The following CAST variants were observed in gnomAD, a reference collection of about 807,000 sequenced individuals.
CAST encodes the protein MIR583 host.
Under a neutral mutation model 119.6 loss-of-function variants are expected in CAST, and 76 were observed. That is an observed-to-expected ratio of 0.64 (90% CI 0.53 to 0.77). CAST has a LOEUF of 0.77. CAST is among the 30% of genes least tolerant of loss of function. The probability of loss-of-function intolerance (pLI) is 0.00; values close to 1 mark genes in which losing one functional copy is unlikely to be tolerated. For missense variants in CAST, 953 were observed against 946.5 expected (o/e 1.01, Z -0.09); for synonymous variants, 319 against 331.6 (o/e 0.96, Z 0.41).
chr5:96,294,863 C>T, the CAST span, among the ~76,000 whole-genome samples: 3 of 152,184 alleles, frequency 2.0e-5, no homozygotes, highest in South Asian at 6.2e-4. Flanking sequence ...TATTGAAATG[C>T]TCTATTTCCT....
the CAST span, among the ~76,000 whole-genome samples, chr5:96,242,945 T>A: frequency 2.0e-5 from 3 of 152,224 alleles, no homozygotes; most frequent in Non-Finnish European, 4.4e-5. Flanking sequence ...GGTTTCTTCA[T>A]ATTTCTTTTT....
At chr5:96,497,774 T>C in the CAST span, among the ~76,000 whole-genome samples, 2 of 152,364 alleles carry the variant, frequency 1.3e-5, no homozygotes, top group Non-Finnish European at 1.5e-5. Flanking sequence ...CTTTGTCAGA[T>C]GAGTAGGTTG....
chr5:96,306,452 G>A, the CAST span, among the ~76,000 whole-genome samples: 2 of 151,916 alleles, frequency 1.3e-5, no homozygotes, highest in African/African-American at 2.4e-5. Flanking sequence ...ATCTCCTTCA[G>A]TTTTGCTCTG....
chr5:96,168,922 T>A, the CAST span, among the ~76,000 whole-genome samples: 5 of 151,982 alleles, frequency 3.3e-5, no homozygotes, highest in Admixed American at 6.6e-5. Flanking sequence ...TAATTGAGCA[T>A]AGTTTGTGAT....
At chr5:96,649,212 G>T (rs890520444) in intron 1 of CAST, among the ~76,000 whole-genome samples, 1 of 152,246 alleles carries the variant, frequency 6.6e-6, no homozygotes, top group Non-Finnish European at 1.5e-5. Context: ...TTTTTAAAAA[G>T]TTTTTTCATG....
At chr5:96,332,814 G>A in the CAST span, among the ~76,000 whole-genome samples, 1 of 152,178 alleles carries the variant, frequency 6.6e-6, no homozygotes, top group African/African-American at 2.4e-5. Flanking sequence ...ATTGAGGCTT[G>A]AGTTTGCTGT....
At chr5:96,105,815 A>C in the CAST span, among the ~76,000 whole-genome samples, 1 of 152,216 alleles carries the variant, frequency 6.6e-6, no homozygotes, top group Non-Finnish European at 1.5e-5. Flanking sequence ...GAATGGTACC[A>C]GTTCCTCCTT....
chr5:96,441,785 T>C, the CAST span, among the ~76,000 whole-genome samples: 4 of 152,180 alleles, frequency 2.6e-5, no homozygotes, highest in South Asian at 8.3e-4. Flanking sequence ...TTTTTTATAA[T>C]GTGATTGCTA....
the CAST span, among the ~76,000 whole-genome samples, chr5:96,496,724 C>T: frequency 6.6e-6 from 1 of 152,092 alleles, no homozygotes; most frequent in Admixed American, 6.5e-5. Flanking sequence ...ATGAAGAAAC[C>T]GGTTAGGTTA....
chr5:96,643,115 G>A (rs1413180753), intron 1 of CAST, among the ~76,000 whole-genome samples: 3 of 152,146 alleles, frequency 2.0e-5, no homozygotes, highest in African/African-American at 7.2e-5. Flanking sequence ...ACAAAACAAC[G>A]TTCACAATGG....
At chr5:96,603,208 G>A (rs565896427) in intron 1 of CAST, among the ~76,000 whole-genome samples, 106 of 152,304 alleles carry the variant, frequency 7.0e-4, no homozygotes, top group Non-Finnish European at 1.1e-3. Context: ...GCGTTGTAAT[G>A]GGAATATGGG....
Position 96,751,071 on chromosome 5 carries a change from A to G in CAST, c.1524+389A>G, listed in dbSNP as rs899442521. Among the ~76,000 whole-genome samples, 4 of 149,786 alleles carry G rather than the reference A, an allele frequency of 2.7e-5. No homozygotes were observed. In the East Asian group the frequency reaches 7.9e-4, roughly 29 times the overall value. On this transcript the variant is annotated intron_variant, in intron 20 of 31. Transcript: ENST00000675179. ...AGTAAAATCATTATGATTCCTCCCC[A>G]CTCTTCCCACTGCAGGAGGTGAAAC...
chr5:96,368,614 G>C, the CAST span, among the ~76,000 whole-genome samples: 6 of 151,964 alleles, frequency 3.9e-5, no homozygotes, highest in Admixed American at 2.6e-4. Context: ...CCAGTAGGAA[G>C]TGGCTGATCT....
chr5:96,137,840 GT>G, the CAST span, among the ~76,000 whole-genome samples: 2 of 151,958 alleles, frequency 1.3e-5, no homozygotes, highest in African/African-American at 4.8e-5. Context: ...TAGTTGGTCT[GT>G]TTTCCTATTG....
intron 2 of CAST, among the ~76,000 whole-genome samples, chr5:96,685,261 A>C (rs1729830718): frequency 6.6e-6 from 1 of 152,160 alleles, no homozygotes; most frequent in African/African-American, 2.4e-5. Context: ...TTCAGCACAG[A>C]TCATAAGCAC....
upstream of CAST, among the ~76,000 whole-genome samples, chr5:96,657,825 G>A (rs188895434): frequency 4.6e-5 from 7 of 152,254 alleles, no homozygotes; most frequent in East Asian, 3.9e-4. Context: ...GGCCAGGCAC[G>A]GTGGCTCACA....
At chr5:96,675,640 T>A in intron 2 of CAST, 39 bp downstream of exon 2, 1 of 1,428,034 alleles carries the variant, frequency 7.0e-7, no homozygotes, top group Non-Finnish European at 9.8e-7. Context: ...TTCTCTTGCT[T>A]TTAAACTGTG....
chr5:96,491,895 A>C, the CAST span, among the ~76,000 whole-genome samples: 1 of 152,256 alleles, frequency 6.6e-6, no homozygotes, highest in Admixed American at 6.5e-5. Context: ...GCAACCTTGT[A>C]CATAGTATAC....
the CAST span, among the ~76,000 whole-genome samples, chr5:96,459,827 C>A: frequency 3.9e-5 from 6 of 152,132 alleles, no homozygotes; most frequent in African/African-American, 1.4e-4. Context: ...GATTTTACTG[C>A]AGATTGGCTC....
Sources: allele counts gnomAD v4.1 joint callset (sites outside exome capture counted in the v4.1 genomes callset), GRCh38; gene constraint gnomAD v4.1.1; transcripts MANE v1.5; gene names NCBI Gene and HGNC (gene_info 2026-07-23, HGNC 2026-07-21).